The following C3orf85 variants were observed in gnomAD, a reference collection of about 807,000 sequenced individuals.
The protein encoded by C3orf85 is uncharacterized protein C3orf85.
Under a neutral mutation model 1.7 loss-of-function variants are expected in C3orf85, and 1 was observed. The ratio of observed to expected loss-of-function variants is 0.60; its 90% confidence interval spans 0.21 to 2.86. The LOEUF is 2.86. C3orf85 is among the 30% of genes most tolerant of loss of function. The pLI is 0.22. For synonymous variants in C3orf85, 17 were observed against 8.0 expected (o/e 2.13, Z -1.90); for missense variants, 29 against 21.3 (o/e 1.36, Z -0.72).
At chr3:109,148,496 C>T in intron 3 of C3orf85, 110 bp downstream of exon 3, 2 of 676,804 alleles carry the variant, frequency 3.0e-6, no homozygotes, top group Non-Finnish European at 2.7e-6. Context: ...TTTTTCCTCT[C>T]TAGACACTCT....
intron 2 of C3orf85, among the ~76,000 whole-genome samples, chr3:109,145,030 G>A (rs946701550): frequency 6.6e-6 from 1 of 152,140 alleles, no homozygotes; most frequent in Non-Finnish European, 1.5e-5. Flanking sequence ...GTCCACACTG[G>A]TCAGCCCAAA....
intron 2 of C3orf85, among the ~76,000 whole-genome samples, chr3:109,142,703 G>GT (rs112792947): frequency 0.037 from 5,296 of 143,300 alleles, 182 homozygotes; most frequent in Middle Eastern, 0.093. Context: ...CATGTGCTCT[G>GT]TTTTTTTTTT....
intron 2 of C3orf85, among the ~76,000 whole-genome samples, chr3:109,142,531 A>G (rs1025529718): frequency 6.6e-6 from 1 of 152,206 alleles, no homozygotes; most frequent in Non-Finnish European, 1.5e-5. Context: ...AATAGCTAGC[A>G]GTAGACCTCT....
rs749177755 is a variant in C3orf85, at chr3:109,151,009, T to G, written c.*1115T>G. 6.6e-6 allele frequency among the ~76,000 whole-genome samples: 1 copy of G among 152,154 alleles called. No individual in the cohort carries two copies. The highest frequency in any genetic ancestry group is 1.5e-5 in the Non-Finnish European group (1 of 68,030). On this transcript the variant is annotated 3_prime_UTR_variant, in exon 4 of 4. Transcript: ENST00000622536. Reference sequence around the variant, plus strand: ...TCTCCAAAAGGACACTGACAGCTGCTCAGTGTTTCACATTTCCCATCCTAT... The same window carrying G: ...TCTCCAAAAGGACACTGACAGCTGCGCAGTGTTTCACATTTCCCATCCTAT...
chr3:109,142,513 C>T (rs1192607811), intron 2 of C3orf85, among the ~76,000 whole-genome samples: 1 of 152,140 alleles, frequency 6.6e-6, no homozygotes, highest in Non-Finnish European at 1.5e-5. Context: ...TACCTAGACC[C>T]TAAGGGAAAT....
chr3:109,146,691 A>G (rs890256292), intron 2 of C3orf85, among the ~76,000 whole-genome samples: 11 of 152,162 alleles, frequency 7.2e-5, no homozygotes, highest in Non-Finnish European at 1.3e-4. Flanking sequence ...TCTTAGAGCA[A>G]GTGGTCCAAA....
At chr3:109,138,024 G>A (rs1180810427) in intron 2 of C3orf85, among the ~76,000 whole-genome samples, 2 of 152,116 alleles carry the variant, frequency 1.3e-5, no homozygotes, top group African/African-American at 4.8e-5. Context: ...AAGCAATGCT[G>A]GCTGGTCCAC....
chr3:109,144,931 C>G (rs1039764294), intron 2 of C3orf85, among the ~76,000 whole-genome samples: 1 of 152,122 alleles, frequency 6.6e-6, no homozygotes, highest in African/African-American at 2.4e-5. Flanking sequence ...CACTGTAACA[C>G]ACACCTTTTC....
chr3:109,139,909 CTT>C (rs902191174), intron 2 of C3orf85, among the ~76,000 whole-genome samples: 2 of 152,136 alleles, frequency 1.3e-5, no homozygotes, highest in Non-Finnish European at 2.9e-5. Flanking sequence ...TTTTGATTTG[CTT>C]TGTTTTTTGA....
chr3:109,147,742 C>T (rs1706816122), intron 2 of C3orf85, among the ~76,000 whole-genome samples: 1 of 152,028 alleles, frequency 6.6e-6, no homozygotes, highest in Non-Finnish European at 1.5e-5. Context: ...GGTTTGGGAG[C>T]AGCATAGTTC....
At chr3:109,138,561 A>T (rs1171867718) in intron 2 of C3orf85, among the ~76,000 whole-genome samples, 2 of 152,088 alleles carry the variant, frequency 1.3e-5, no homozygotes, top group South Asian at 2.1e-4. Context: ...ATTTTTTTTT[A>T]AAGTTTATTT....
chr3:109,149,926 A>C lies in C3orf85; in HGVS notation c.*32A>C, dbSNP rs1372978981. 2.5e-6 allele frequency: 1 copy of C among 397,878 alleles called. No individual in the cohort carries two copies. Among genetic ancestry groups the C allele is most frequent in the Non-Finnish European group, 4.4e-6 (1 of 225,270 alleles). The allele number at this position is 397,878 out of a possible 1,614,324, so 24.6% of individuals were successfully genotyped here. ...TTTCCTGGTTAAAGCAGGAGGATGA[A>C]GATGGCAGAGGTTGGAATGGCATTG... is the stretch of plus-strand genomic sequence containing the variant. On this transcript the variant is annotated 3_prime_UTR_variant, in exon 4 of 4. Transcript: ENST00000622536.
intron 3 of C3orf85, chr3:109,148,860 G>T (rs77269177): frequency 0.017 from 2,521 of 150,014 alleles, 66 homozygotes; most frequent in African/African-American, 0.058. Flanking sequence ...ATAGTGGTCG[G>T]ACTTTAGTTC....
At chr3:109,138,208 T>TA (rs903867016) in intron 2 of C3orf85, among the ~76,000 whole-genome samples, 6 of 151,434 alleles carry the variant, frequency 4.0e-5, no homozygotes, top group South Asian at 2.1e-4. Flanking sequence ...GACTTGACTC[T>TA]AAAAAAAAAT....
chr3:109,142,914 G>C (rs1432367416), intron 2 of C3orf85, among the ~76,000 whole-genome samples: 1 of 152,194 alleles, frequency 6.6e-6, no homozygotes, highest in African/African-American at 2.4e-5. Flanking sequence ...ATGTAGCTTA[G>C]TATAAGTACA....
chr3:109,141,006 A>C (rs1168745692), intron 2 of C3orf85, among the ~76,000 whole-genome samples: 1 of 152,114 alleles, frequency 6.6e-6, no homozygotes, highest in African/African-American at 2.4e-5. Context: ...TTGTTTTTTG[A>C]GACGGAGTCT....
chr3:109,151,169 T>C lies in C3orf85; in HGVS notation c.*1275T>C, dbSNP rs1441169256. Among the ~76,000 whole-genome samples the C allele has an allele frequency of 6.6e-6, 1 of 152,228 alleles. No individual in the cohort carries two copies. Among genetic ancestry groups the C allele is most frequent in the African/African-American group, 2.4e-5 (1 of 41,458 alleles). On this transcript the variant is annotated 3_prime_UTR_variant, in exon 4 of 4. Transcript: ENST00000622536. ...CAAACAAAACAAAGATGATGAATCATTTAGTTTTGCAGTGGGAAATAAGTT... is the reference window on the plus strand; with the variant it reads ...CAAACAAAACAAAGATGATGAATCACTTAGTTTTGCAGTGGGAAATAAGTT...
intron 2 of C3orf85, among the ~76,000 whole-genome samples, chr3:109,144,704 A>G (rs994361330): frequency 6.6e-6 from 1 of 152,192 alleles, no homozygotes; most frequent in African/African-American, 2.4e-5. Context: ...TGACTATGGT[A>G]CAGAATTCTG....
chr3:109,142,792 A>T (rs1706755482), intron 2 of C3orf85, among the ~76,000 whole-genome samples: 1 of 151,736 alleles, frequency 6.6e-6, no homozygotes. Context: ...ACCACCCTCC[A>T]ACAAATAGCA....
Sources: gnomAD v4.1 joint callset for allele counts (sites outside exome capture counted in the v4.1 genomes callset) on GRCh38, gnomAD v4.1.1 for gene constraint, MANE v1.5 for transcripts, NCBI Gene and HGNC (gene_info 2026-07-23, HGNC 2026-07-21) for gene names.